Variants in NCALD observed in about 807,000 individuals in gnomAD.
NCALD encodes the protein neurocalcin delta.
A neutral mutation model predicts 18.6 loss-of-function variants in NCALD; 10 were observed. The ratio of observed to expected loss-of-function variants is 0.54; its 90% CI spans 0.33 to 0.91. The LOEUF (loss-of-function observed/expected upper bound fraction) is 0.91. Ranked by LOEUF, NCALD falls within the 40% of genes least tolerant of loss-of-function variation. The pLI is 0.03. For synonymous variants in NCALD, 88 were observed against 87.4 expected (o/e 1.01, Z -0.04); for missense variants, 184 against 247.6 (o/e 0.74, Z 1.72).
At chr8:102,014,640 C>T (rs1178125326) in intron 2 of NCALD, among the ~76,000 whole-genome samples, 2 of 152,176 alleles carry the variant, frequency 1.3e-5, no homozygotes, top group African/African-American at 4.8e-5. Context: ...AATTGTTCAA[C>T]TAAATTGATA....
chr8:101,972,101 A>T lies in NCALD; in HGVS notation c.-157+48136T>A, dbSNP rs1346065163. ...GTATGTGAGGAGGAGGAGGATGTTGATGAGGATGAAAACTGACATGCATAT... is the reference window on the plus strand; with the variant it reads ...GTATGTGAGGAGGAGGAGGATGTTGTTGAGGATGAAAACTGACATGCATAT... On this transcript the variant is annotated intron_variant, in intron 2 of 6. Transcript: ENST00000311028. Among the ~76,000 whole-genome samples the T allele has an allele frequency of 3.3e-5, 5 of 152,184 alleles. No individual in the cohort carries two copies. In the South Asian group the frequency reaches 8.3e-4, roughly 25 times the overall value.
In NCALD at chr8:101,887,841, C is replaced by A. The variant is rs565257655; in HGVS notation, c.-106-614G>T. 2.6e-5 allele frequency among the ~76,000 whole-genome samples: 4 copies of A among 152,082 alleles called. No individual in the cohort carries two copies. In the East Asian group the frequency reaches 7.7e-4, roughly 29 times the overall value. On this transcript the variant is annotated intron_variant, in intron 3 of 6. Coordinates refer to the NCALD transcript ENST00000311028. ...TTGTTTCATTGAGCTGGGGAAAAAA[C>A]CCAAAAGTAAGACTGGTTTTGGGAA...
chr8:102,122,237 A>G (rs1221530216), intron 1 of NCALD, among the ~76,000 whole-genome samples: 1 of 152,218 alleles, frequency 6.6e-6, no homozygotes, highest in Non-Finnish European at 1.5e-5. Flanking sequence ...GCTGCGACTC[A>G]GTGGCTTGAG....
intron 2 of NCALD, among the ~76,000 whole-genome samples, chr8:102,017,024 TAAAC>T (rs1256608275): frequency 1.3e-5 from 2 of 151,858 alleles, no homozygotes; most frequent in South Asian, 2.1e-4. Flanking sequence ...CTATAGAAAA[TAAAC>T]AAACTTAAAG....
At chr8:102,061,527 G>A (rs570474665) in intron 1 of NCALD, among the ~76,000 whole-genome samples, 3 of 152,112 alleles carry the variant, frequency 2.0e-5, no homozygotes, top group African/African-American at 7.2e-5. Context: ...GGGCTTTGCC[G>A]CTTTAAGGCC....
At chr8:101,804,704 T>TAC (rs1813033380) in intron 4 of NCALD, among the ~76,000 whole-genome samples, 4 of 145,064 alleles carry the variant, frequency 2.8e-5, no homozygotes, top group African/African-American at 1.0e-4. Context: ...TAATTATATA[T>TAC]AAATAATTAT....
intron 3 of NCALD, among the ~76,000 whole-genome samples, chr8:101,899,011 AC>A (rs1224719089): frequency 6.6e-6 from 1 of 152,068 alleles, no homozygotes; most frequent in Non-Finnish European, 1.5e-5. Context: ...CTTCCAATCC[AC>A]AAACACAAAT....
intron 2 of NCALD, among the ~76,000 whole-genome samples, chr8:101,999,231 T>C (rs1039230927): frequency 5.9e-5 from 9 of 152,046 alleles, no homozygotes; most frequent in African/African-American, 2.2e-4. Flanking sequence ...CAATTCACAA[T>C]TGCAAAAATA....
intron 3 of NCALD, among the ~76,000 whole-genome samples, chr8:101,899,904 C>T (rs1255287070): frequency 6.6e-6 from 1 of 151,622 alleles, no homozygotes; most frequent in Admixed American, 6.6e-5. Flanking sequence ...GGAAATATTT[C>T]CTCATCTTTT....
chr8:102,000,577 C>A (rs1014660061), intron 2 of NCALD, among the ~76,000 whole-genome samples: 1 of 152,176 alleles, frequency 6.6e-6, no homozygotes, highest in Non-Finnish European at 1.5e-5. Flanking sequence ...GGATAGACTG[C>A]CTCAAGTGGG....
intron 2 of NCALD, among the ~76,000 whole-genome samples, chr8:101,992,760 C>A (rs570620259): frequency 5.3e-5 from 8 of 152,160 alleles, no homozygotes; most frequent in African/African-American, 1.7e-4. Context: ...CCCCTGGGAG[C>A]TGTGCAGTGT....
chr8:101,959,365 T>G (rs1345147905), intron 2 of NCALD, among the ~76,000 whole-genome samples: 2 of 152,144 alleles, frequency 1.3e-5, no homozygotes, highest in Non-Finnish European at 2.9e-5. Flanking sequence ...AAATTTCAAT[T>G]TGTCTCATTC....
At chr8:102,020,735 C>T (rs1822244697) in intron 1 of NCALD, among the ~76,000 whole-genome samples, 1 of 152,202 alleles carries the variant, frequency 6.6e-6, no homozygotes, top group Non-Finnish European at 1.5e-5. Context: ...CCACAACTTT[C>T]TCTTCCCTGT....
chr8:101,845,983 T>A (rs2131309983), intron 4 of NCALD, among the ~76,000 whole-genome samples: 1 of 152,354 alleles, frequency 6.6e-6, no homozygotes, highest in African/African-American at 2.4e-5. Flanking sequence ...ATGTTCTGCA[T>A]CCATGTTGCT....
rs747069939 is a variant in NCALD, at chr8:101,717,458, G to T, written c.378+1794C>A. Among the ~76,000 whole-genome samples the T allele has an allele frequency of 5.9e-5, 9 of 152,248 alleles. No homozygotes were observed. The South Asian group carries it at 8.3e-4, about 14-fold the overall frequency. On this transcript the variant is annotated intron_variant, in intron 2 of 3. Transcript: ENST00000220931. ...AAATTGCTTGAATTTCTGAGTCGTG[G>T]AGGGACGGGATTCAGCTAAGAATTT...
At chr8:101,911,984 A>G (rs1404360450) in intron 3 of NCALD, among the ~76,000 whole-genome samples, 1 of 152,236 alleles carries the variant, frequency 6.6e-6, no homozygotes. Flanking sequence ...TAGACAGTTT[A>G]GTGTTATAAA....
chr8:101,865,587 C>A (rs1464765400), intron 4 of NCALD, among the ~76,000 whole-genome samples: 2 of 151,306 alleles, frequency 1.3e-5, no homozygotes, highest in Non-Finnish European at 2.9e-5. Flanking sequence ...TCTGGGGTTC[C>A]CTTTCTCCTC....
intron 4 of NCALD, among the ~76,000 whole-genome samples, chr8:101,842,207 C>T (rs937281212): frequency 5.9e-5 from 9 of 152,158 alleles, no homozygotes; most frequent in Non-Finnish European, 1.2e-4. Context: ...AGGGCCCACC[C>T]TAATGACCTC....
At chr8:101,923,535 C>T (rs148459097) in intron 2 of NCALD, among the ~76,000 whole-genome samples, 155 of 152,272 alleles carry the variant, frequency 1.0e-3, no homozygotes, top group African/African-American at 3.5e-3. Flanking sequence ...CAAGTTGGTC[C>T]TAACTTTTCC....
Sources: allele counts gnomAD v4.1 joint callset (sites outside exome capture counted in the v4.1 genomes callset), GRCh38; gene constraint gnomAD v4.1.1; transcripts MANE v1.5; gene names NCBI Gene and HGNC (gene_info 2026-07-23, HGNC 2026-07-21).